Variants in ULK3 observed in about 807,000 individuals in gnomAD.
The protein encoded by ULK3 is serine/threonine-protein kinase ULK3.
ULK3 carries 54 observed loss-of-function variants against 69.4 expected under a neutral mutation model. The observed-to-expected ratio is 0.78, with a 90% CI of 0.63 to 0.98. ULK3 has a LOEUF of 0.98. Ranked by LOEUF, ULK3 falls within the 50% of genes least tolerant of loss-of-function variation. The pLI is 0.00. For missense variants in ULK3, 558 were observed against 627.7 expected (o/e 0.89, Z 1.19); for synonymous variants, 240 against 254.5 (o/e 0.94, Z 0.54).
At chr15:74,841,833 G>C (rs1420060530) in intron 3 of ULK3, among the ~76,000 whole-genome samples, 1 of 152,200 alleles carries the variant, frequency 6.6e-6, no homozygotes, top group Non-Finnish European at 1.5e-5. Flanking sequence ...TGTTCTACAA[G>C]GTCCTTATAT....
intron 6 of ULK3, 96 bp downstream of exon 6, chr15:74,840,138 C>T: frequency 7.1e-7 from 1 of 1,414,912 alleles, no homozygotes; most frequent in Non-Finnish European, 9.7e-7. Context: ...GCCTGGAGCC[C>T]ATACTCCAGT....
intron 13 of ULK3, 32 bp from the exon 14 acceptor site, chr15:74,837,830 G>T (rs1345042602): frequency 6.4e-7 from 1 of 1,573,616 alleles, no homozygotes; most frequent in East Asian, 2.3e-5. Context: ...TTGGGTGTGG[G>T]GGAGAGTGGC....
At position 74,840,377 on chromosome 15, in the gene ULK3, C is replaced by A. The variant is rs746781550; in HGVS notation, c.614-61G>T. 2.6e-5 allele frequency: 41 copies of A among 1,576,426 alleles called. No homozygotes were observed. In the Middle Eastern group the frequency reaches 6.6e-4, roughly 26 times the overall value. On this transcript the variant is annotated intron_variant, in intron 5 of 15. Transcript: ENST00000440863. Reference sequence around the variant, plus strand: ...ATGGGTCAAGCCTGGCCTGACGCCCCTCAGCAGGGGCCCTGGGCCAGCAGT... The same window carrying A: ...ATGGGTCAAGCCTGGCCTGACGCCCATCAGCAGGGGCCCTGGGCCAGCAGT...
In ULK3 at chr15:74,836,229, C is replaced by T. The variant is rs2064013983; in HGVS notation, c.*999G>A. The T allele has an allele frequency of 6.6e-6, 1 of 152,254 alleles. No individual in the cohort carries two copies. Among genetic ancestry groups the T allele is most frequent in the Non-Finnish European group, 1.5e-5 (1 of 68,054 alleles). The allele number at this position is 152,254 out of a possible 1,614,324, so 9.4% of individuals were successfully genotyped here. On this transcript the variant is annotated 3_prime_UTR_variant, in exon 16 of 16. Transcript: ENST00000440863. The surrounding 1 kb of genome is among the most constrained non-coding windows in gnomAD (Gnocchi z 4.0). ...GAAGCATTTAAGGGCAGAAGGGCTACAAATCACCAACACCCGCTGATTATT... is the reference window on the plus strand; with the variant it reads ...GAAGCATTTAAGGGCAGAAGGGCTATAAATCACCAACACCCGCTGATTATT...
In ULK3 at chr15:74,842,978, G is replaced by C; in HGVS notation, c.102+26C>G. 1 of 1,542,660 alleles carries C rather than the reference G, an allele frequency of 6.5e-7. No homozygotes were observed. On this transcript the variant is annotated intron_variant, in intron 1 of 15. Coordinates refer to ENST00000440863, the MANE Select transcript of ULK3 (RefSeq NM_001099436.4). The surrounding 1 kb of genome is among the most constrained non-coding windows in gnomAD (Gnocchi z 4.9). ...GCACCAGCCGAGCTAGCTCGGGCGG[G>C]CACGGGGCCATCGGCCGGCACCCAC...
At chr15:74,839,799 G>T in intron 6 of ULK3, 86 bp from the exon 7 acceptor site, 1 of 1,436,194 alleles carries the variant, frequency 7.0e-7, no homozygotes, top group Admixed American at 2.7e-5. Flanking sequence ...GAACCCCAGA[G>T]GTACGCGTTG....
chr15:74,838,023 G>C, intron 13 of ULK3, 129 bp downstream of exon 13: 1 of 1,425,064 alleles, frequency 7.0e-7, no homozygotes, highest in South Asian at 1.4e-5. Flanking sequence ...CCAGCCCTAT[G>C]GTTTGACTTC....
intron 9 of ULK3, 78 bp from the exon 10 acceptor site, chr15:74,838,823 T>C (rs1372189858): frequency 6.9e-7 from 1 of 1,457,036 alleles, no homozygotes; most frequent in Non-Finnish European, 9.4e-7. Context: ...GTTCTCCCTT[T>C]GCATTGTTAG....
Position 74,842,122 on chromosome 15 carries a change from C to A in ULK3, c.317G>T (p.Arg106Leu), listed in dbSNP as rs767589876. The A allele has an allele frequency of 1.9e-6, 3 of 1,613,968 alleles. No individual in the cohort carries two copies. Among genetic ancestry groups the A allele is most frequent in the South Asian group, 2.2e-5 (2 of 91,084 alleles). Residue 106 changes from arginine to leucine, a missense_variant, in exon 3 of 16, where the codon CGC (arginine) becomes CTC (leucine). By Grantham distance (102) the Arg-to-Leu change is moderately radical. Coordinates refer to ENST00000440863, the MANE Select transcript of ULK3 (RefSeq NM_001099436.4). This position sits in a 1 kb window ranked among gnomAD's most constrained non-coding sequence, Gnocchi z 4.9. ...GGDLSRFIHT[R>L]RILPEKVARV... ...CGCCACCTTCTCAGGCAGAATCCTG[C>A]GGGTATGGATGAAGCGAGACAGGTC...
chr15:74,839,841 C>T, intron 6 of ULK3, 128 bp from the exon 7 acceptor site: 1 of 1,272,628 alleles, frequency 7.9e-7, no homozygotes, highest in Non-Finnish European at 1.1e-6. Flanking sequence ...CGAGGAGGAA[C>T]AGGATGGGTC....
chr15:74,839,329 A>T lies in ULK3; in HGVS notation c.897T>A (p.Asp299Glu). 1 of 1,567,724 alleles carries T rather than the reference A, an allele frequency of 6.4e-7. No homozygotes were observed. The highest frequency in any genetic ancestry group is 8.7e-7 in the Non-Finnish European group (1 of 1,155,712). ...AGTAGAGTGATAAGGCAGCTGCTGA[A>T]TCCCCCTCCTGGTCTTTCTTCACAG... ...VQAVKKDQEG[D>E]SAAALSLYCK... The change falls in exon 8 of 16, where the codon GAT becomes GAA. Residue 299 changes from aspartate to glutamate, a missense_variant. Coordinates refer to ENST00000440863, the MANE Select transcript of ULK3 (RefSeq NM_001099436.4).
In ULK3 at chr15:74,842,138, G is replaced by A. The variant is rs762347020; in HGVS notation, c.301C>T (p.Arg101Cys). 5.0e-6 allele frequency: 8 copies of A among 1,614,002 alleles called. No individual in the cohort carries two copies. Among genetic ancestry groups the A allele is most frequent in the East Asian group, 4.5e-5 (2 of 44,888 alleles). The change falls in exon 3 of 16, where the codon CGC becomes TGC. Residue 101 changes from arginine (R) to cysteine (C), a missense_variant. Coordinates refer to ENST00000440863, the MANE Select transcript of ULK3 (RefSeq NM_001099436.4). This position sits in a 1 kb window ranked among gnomAD's most constrained non-coding sequence, Gnocchi z 4.9. Reference sequence around the variant, plus strand: ...AGAATCCTGCGGGTATGGATGAAGCGAGACAGGTCGCCCCCTGCGCAAAAC... The same window carrying A: ...AGAATCCTGCGGGTATGGATGAAGCAAGACAGGTCGCCCCCTGCGCAAAAC... ...MEFCAGGDLS[R>C]FIHTRRILPE...
In ULK3 at chr15:74,842,008, G is replaced by A. The variant is rs947224769; in HGVS notation, c.364+67C>T. On this transcript the variant is annotated intron_variant, in intron 3 of 15. Transcript: ENST00000440863. The surrounding 1 kb of genome is among the most constrained non-coding windows in gnomAD (Gnocchi z 4.9). The stretch of plus-strand genomic sequence containing the variant: ...GCGTGCCAAGGCTCTAAGCCTGGGG[G>A]AGGGGTGGGATGGTGGGGGGCAGAG... The A allele has an allele frequency of 3.7e-6, 6 of 1,606,428 alleles. No individual in the cohort carries two copies. Among genetic ancestry groups the A allele is most frequent in the South Asian group, 2.2e-5 (2 of 90,402 alleles).
Position 74,842,882 on chromosome 15 carries a change from T to G in ULK3, c.102+122A>C. On this transcript the variant is annotated intron_variant, in intron 1 of 15. Transcript: ENST00000440863. This position sits in a 1 kb window ranked among gnomAD's most constrained non-coding sequence, Gnocchi z 4.9. ...GCTCCAACCTCCGCCGAGGGTCAGCTGGGGCGAGGCCGGCCTCCCGCCCCT... is the reference window on the plus strand; with the variant it reads ...GCTCCAACCTCCGCCGAGGGTCAGCGGGGGCGAGGCCGGCCTCCCGCCCCT... 1.5e-6 allele frequency: 2 copies of G among 1,341,700 alleles called. No individual in the cohort carries two copies. Among genetic ancestry groups the G allele is most frequent in the Non-Finnish European group, 2.0e-6 (2 of 995,790 alleles). The allele number at this position is 1,341,700 out of a possible 1,614,324, so 83.1% of individuals were successfully genotyped here.
At position 74,842,061 on chromosome 15, in the gene ULK3, T is replaced by C. The variant is rs1567240923; in HGVS notation, c.364+14A>G. On this transcript the variant is annotated intron_variant, in intron 3 of 15. Transcript: ENST00000440863. This position sits in a 1 kb window ranked among gnomAD's most constrained non-coding sequence, Gnocchi z 4.9. ...CAAGGGACAGAGTGTCAGGCTGGTGTCACAGGCCTTTACCTAATTGCTGCA... is the reference window on the plus strand; with the variant it reads ...CAAGGGACAGAGTGTCAGGCTGGTGCCACAGGCCTTTACCTAATTGCTGCA... The C allele has an allele frequency of 1.2e-6, 2 of 1,613,496 alleles. No individual in the cohort carries two copies. The highest frequency in any genetic ancestry group is 1.7e-4 in the Middle Eastern group (1 of 6,026).
intron 4 of ULK3, 61 bp downstream of exon 4, chr15:74,841,344 C>T: frequency 7.0e-7 from 1 of 1,428,766 alleles, no homozygotes; most frequent in Non-Finnish European, 9.8e-7. Context: ...GCTGAGTGAG[C>T]CCAGGCAGAG....
chr15:74,842,547 A>G lies in ULK3; in HGVS notation c.103-127T>C. 1 of 1,574,518 alleles carries G rather than the reference A, an allele frequency of 6.4e-7. No homozygotes were observed. The highest frequency in any genetic ancestry group is 8.6e-7 in the Non-Finnish European group (1 of 1,167,260). ...TCCCCGGGTCTACCTACTGCACACCAGCACCGGGCTTCCCAGCTTTCCCTT... is the reference window on the plus strand; with the variant it reads ...TCCCCGGGTCTACCTACTGCACACCGGCACCGGGCTTCCCAGCTTTCCCTT... On this transcript the variant is annotated intron_variant, in intron 1 of 15. Transcript: ENST00000440863. The surrounding 1 kb of genome is among the most constrained non-coding windows in gnomAD (Gnocchi z 4.9).
rs1292936685 is a variant in ULK3 at position 74,838,792 on chromosome 15, C to T, written c.1000-47G>A. ...AGGAGGGGCTGTCTCACCAGCTACC[C>T]TTGCCAGAACCCACCTCCAAGTTCT... On this transcript the variant is annotated intron_variant, in intron 9 of 15. Coordinates refer to ENST00000440863, the MANE Select transcript of ULK3 (RefSeq NM_001099436.4). The T allele has an allele frequency of 3.3e-6, 5 of 1,528,608 alleles. No homozygotes were observed. The African/African-American group carries it at 5.5e-5, about 17-fold the overall frequency. 94.7% of individuals were successfully genotyped at this position (1,528,608 alleles called of 1,614,324 possible).
intron 4 of ULK3, 145 bp downstream of exon 4, chr15:74,841,260 C>T (rs1219717064): frequency 4.8e-5 from 30 of 621,772 alleles, no homozygotes; most frequent in South Asian, 1.4e-4. Context: ...CTTTTGATGA[C>T]AGGGCCCAAC....
Sources: allele counts gnomAD v4.1 joint callset (sites outside exome capture counted in the v4.1 genomes callset), GRCh38; gene constraint gnomAD v4.1.1; non-coding constraint Gnocchi (gnomAD v3.1); transcripts MANE v1.5; gene names NCBI Gene and HGNC (gene_info 2026-07-23, HGNC 2026-07-21).